Variants in MACF1 observed in about 807,000 individuals in gnomAD.
The protein encoded by MACF1 is microtubule actin crosslinking factor 1.
A neutral mutation model predicts 854.8 loss-of-function variants in MACF1; 193 were observed. The observed-to-expected ratio is 0.23, with a 90% confidence interval of 0.20 to 0.25. The LOEUF is 0.25. Among genes scored for constraint, MACF1 ranks in the 10% least tolerant of loss-of-function variants. The probability of loss-of-function intolerance (pLI) is 1.00; values close to 1 mark genes in which losing one functional copy is unlikely to be tolerated. For missense variants in MACF1, 7,722 were observed against 8,929.1 expected, an observed-to-expected ratio of 0.86 and a Z score of 5.45; for synonymous variants, 3,185 against 3,226.7, an observed-to-expected ratio of 0.99 and a Z score of 0.44.
chr1:39,107,105 T>C (rs117921452), intron 2 of MACF1, among the ~76,000 whole-genome samples: 1 of 152,082 alleles, frequency 6.6e-6, no homozygotes, highest in East Asian at 1.9e-4. Context: ...GGCTTTTGAG[T>C]AACACTGCTC....
intron 2 of MACF1, among the ~76,000 whole-genome samples, chr1:39,160,243 A>T (rs958138640): frequency 3.9e-5 from 6 of 152,198 alleles, no homozygotes; most frequent in African/African-American, 7.2e-5. Context: ...CTCTGAGTTC[A>T]TCTTAGAGGT....
chr1:39,358,659 C>A (rs1358094726), intron 45 of MACF1, 38 bp from the exon 46 acceptor site: 1 of 1,603,544 alleles, frequency 6.2e-7, no homozygotes, highest in Non-Finnish European at 8.5e-7. Flanking sequence ...TTGGCCTGAC[C>A]TTGCTTAAGT....
At chr1:39,454,315 A>C (rs919922100) in intron 88 of MACF1, among the ~76,000 whole-genome samples, 1 of 152,214 alleles carries the variant, frequency 6.6e-6, no homozygotes, top group Admixed American at 6.5e-5. Context: ...CACAAAACCA[A>C]TTATAGGCCT....
At chr1:39,484,799 TC>T (rs751246677) in intron 100 of MACF1, 69 bp downstream of exon 100, 38 of 1,585,432 alleles carry the variant, frequency 2.4e-5, no homozygotes, top group Non-Finnish European at 3.2e-5. Context: ...GTGGAATGTT[TC>T]ACTGCTCCCA....
intron 2 of MACF1, among the ~76,000 whole-genome samples, chr1:39,121,694 C>T (rs934286627): frequency 2.0e-5 from 3 of 152,184 alleles, no homozygotes; most frequent in Admixed American, 6.5e-5. Context: ...GTAGTCCGCT[C>T]GTCTTGGCCT....
chr1:39,387,844 A>G lies in MACF1; in HGVS notation c.15002A>G (p.Lys5001Arg). ...GCTGTTACAGAAGAGCTGCAGGCCAAAACAGGGTCACTCGAAGAAATGACT... is the reference window on the plus strand; with the variant it reads ...GCTGTTACAGAAGAGCTGCAGGCCAGAACAGGGTCACTCGAAGAAATGACT... ...MDAVTEELQA[K>R]TGSLEEMTQR... Residue 5001 changes from lysine (K) to arginine (R), a missense_variant, in exon 58 of 101, where the codon AAA becomes AGA. Lys to Arg is a conservative substitution (Grantham distance 26). Coordinates refer to ENST00000564288, the MANE Select transcript of MACF1 (RefSeq NM_001394062.1). 1 of 1,614,102 alleles carries G rather than the reference A, an allele frequency of 6.2e-7. No homozygotes were observed.
At position 39,250,275 on chromosome 1, in the gene MACF1, AATTAT is replaced by A. The variant is rs1306865678; in HGVS notation, c.261+175_261+179del. Reference sequence around the variant, plus strand: ...TTCTAACTCAGACTTAGAATTTACAAATTATATAATTTAAATTGATGTATTATATG... The same window carrying A: ...TTCTAACTCAGACTTAGAATTTACAAATAATTTAAATTGATGTATTATATG... On this transcript the variant is annotated intron_variant, in intron 3 of 100. Coordinates refer to ENST00000564288, the MANE Select transcript of MACF1 (RefSeq NM_001394062.1). 2.9e-4 allele frequency: 124 copies of A among 423,566 alleles called. No homozygotes were observed. In the Middle Eastern group the frequency reaches 5.4e-3, roughly 18 times the overall value. 26.2% of individuals were successfully genotyped at this position (423,566 alleles called of 1,614,324 possible).
chr1:39,454,045 A>G (rs1644387707), intron 88 of MACF1, among the ~76,000 whole-genome samples, 195 bp downstream of exon 88: 1 of 152,208 alleles, frequency 6.6e-6, no homozygotes, highest in African/African-American at 2.4e-5. Flanking sequence ...GCATAGTGCT[A>G]TGTTAATGTG....
At chr1:39,364,286 A>G (rs1056336707) in intron 49 of MACF1, among the ~76,000 whole-genome samples, 5 of 151,606 alleles carry the variant, frequency 3.3e-5, no homozygotes, top group Admixed American at 6.6e-5. Flanking sequence ...GTATTTTTAC[A>G]TTTAAGAGTC....
chr1:39,338,427 A>G (rs1646865591), intron 38 of MACF1, among the ~76,000 whole-genome samples: 3 of 152,356 alleles, frequency 2.0e-5, no homozygotes, highest in African/African-American at 4.8e-5. Flanking sequence ...AACCTGATTT[A>G]TACTACAGAA....
intron 1 of MACF1, among the ~76,000 whole-genome samples, chr1:39,217,750 G>A (rs910623121): frequency 2.6e-5 from 4 of 151,714 alleles, no homozygotes; most frequent in African/African-American, 4.8e-5. Context: ...GGTGGCGTGC[G>A]CCTATAGTCC....
intron 2 of MACF1, among the ~76,000 whole-genome samples, chr1:39,156,996 G>C (rs1643704008): frequency 6.9e-6 from 1 of 145,220 alleles, no homozygotes; most frequent in Non-Finnish European, 1.5e-5. Flanking sequence ...CTAAGTTGGG[G>C]TCTTGCTCTG....
At chr1:39,274,744 C>A (rs1194076891) in intron 6 of MACF1, among the ~76,000 whole-genome samples, 1 of 152,186 alleles carries the variant, frequency 6.6e-6, no homozygotes, top group Non-Finnish European at 1.5e-5. Context: ...AATCCCAATT[C>A]TGCAACTTAC....
Position 39,328,570 on chromosome 1 carries a change from G to C in MACF1, c.4614+1217G>C, listed in dbSNP as rs983527410. The C allele has an allele frequency of 2.6e-5, 4 of 152,194 alleles. No homozygotes were observed. In the South Asian group the frequency reaches 8.3e-4, roughly 31 times the overall value. The allele number at this position is 152,194 out of a possible 1,614,324, so 9.4% of individuals were successfully genotyped here. A position where few individuals can be genotyped will look rare whatever the true frequency, so the allele number is the denominator to read the frequency against. ...GCACAAAGGGAAAAGAGGACGACCTGTTTGGGGTTCTTTTTTGCAAAAACA... is the reference window on the plus strand; with the variant it reads ...GCACAAAGGGAAAAGAGGACGACCTCTTTGGGGTTCTTTTTTGCAAAAACA... On this transcript the variant is annotated intron_variant, in intron 36 of 100. Transcript: ENST00000564288.
chr1:39,253,717 T>C (rs974784869), intron 4 of MACF1, among the ~76,000 whole-genome samples: 9 of 152,072 alleles, frequency 5.9e-5, no homozygotes, highest in Admixed American at 5.2e-4. Flanking sequence ...GATTTCACCA[T>C]GTTGGTCAGG....
intron 2 of MACF1, among the ~76,000 whole-genome samples, chr1:39,195,170 C>T (rs1644305355): frequency 6.6e-6 from 1 of 152,058 alleles, no homozygotes; most frequent in Admixed American, 6.6e-5. Context: ...CTAGGCCTCT[C>T]TAGAAGAGCA....
chr1:39,176,978 A>G (rs936556964), intron 2 of MACF1, among the ~76,000 whole-genome samples: 2 of 152,180 alleles, frequency 1.3e-5, no homozygotes, highest in African/African-American at 4.8e-5. Flanking sequence ...AATGCTAAGT[A>G]ATATAAGCTT....
At chr1:39,197,222 A>AATAAAT (rs1298235408) in intron 2 of MACF1, among the ~76,000 whole-genome samples, 15 of 151,786 alleles carry the variant, frequency 9.9e-5, no homozygotes, top group African/African-American at 2.4e-4. Context: ...ACATATATAT[A>AATAAAT]ATAAATATAA....
Position 39,268,388 on chromosome 1 carries a change from A to T in MACF1, c.528+10360A>T. On this transcript the variant is annotated intron_variant, in intron 6 of 100. Transcript: ENST00000564288. Reference sequence around the variant, plus strand: ...CTGAGGGCAGTGCTCCAATTACCTCATATTTGGAGAGAGGAAGCTGCAGCC... The same window carrying T: ...CTGAGGGCAGTGCTCCAATTACCTCTTATTTGGAGAGAGGAAGCTGCAGCC... The T allele has an allele frequency of 4.3e-6, 4 of 930,600 alleles. No individual in the cohort carries two copies. In the South Asian group the frequency reaches 1.7e-4, roughly 39 times the overall value. The allele number at this position is 930,600 out of a possible 1,614,324, so 57.6% of individuals were successfully genotyped here. A position where few individuals can be genotyped will look rare whatever the true frequency, so the allele number is the denominator to read the frequency against.
Sources: allele counts gnomAD v4.1 joint callset (sites outside exome capture counted in the v4.1 genomes callset), GRCh38; gene constraint gnomAD v4.1.1; transcripts MANE v1.5; gene names NCBI Gene and HGNC (gene_info 2026-07-23, HGNC 2026-07-21).